Variants in SPAG7 observed in about 807,000 individuals in gnomAD.
The protein encoded by SPAG7 is sperm-associated antigen 7.
A neutral mutation model predicts 30.6 loss-of-function variants in SPAG7; 20 were observed. That is an observed-to-expected ratio of 0.65 (90% confidence interval 0.46 to 0.95). SPAG7 has a LOEUF of 0.95. Among genes scored for constraint, SPAG7 ranks in the 40% least tolerant of loss-of-function variants. The pLI is 0.00. For missense variants in SPAG7, 276 were observed against 291.1 expected (o/e 0.95, Z 0.38); for synonymous variants, 127 against 104.2 (o/e 1.22, Z -1.33).
intron 1 of SPAG7, chr17:4,966,649 G>A (rs1971958149): frequency 2.0e-6 from 2 of 985,202 alleles, no homozygotes; most frequent in African/African-American, 1.7e-5. Context: ...AACCTCAGGT[G>A]GCCGCTCTCA....
rs113842675 is a variant in SPAG7 at position 4,966,730 on chromosome 17, C to A, written c.85+990G>T. ...TACGTGTGATCACTGCATCAATGAG[C>A]GCCCCAGCCCCGGACTGTGGCCTCC... On this transcript the variant is annotated intron_variant, in intron 1 of 6. Coordinates refer to ENST00000206020, the MANE Select transcript of SPAG7 (RefSeq NM_004890.3). 8.0e-4 allele frequency: 787 copies of A among 985,402 alleles called. 8 individuals are homozygous for A. In the African/African-American group the frequency reaches 0.012, roughly 15 times the overall value. The allele number at this position is 985,402 out of a possible 1,614,324, so 61.0% of individuals were successfully genotyped here.
Position 4,960,567 on chromosome 17 carries a change from A to G in SPAG7, c.154-20T>C, listed in dbSNP as rs1320082564. On this transcript the variant is annotated intron_variant, in intron 2 of 6. Transcript: ENST00000206020. Reference sequence around the variant, plus strand: ...CTCCATCTTGGGAGAGGGGAAAGGAAGCAGATATGAGACAATGGCTCCACC... The same window carrying G: ...CTCCATCTTGGGAGAGGGGAAAGGAGGCAGATATGAGACAATGGCTCCACC... 6.3e-7 allele frequency: 1 copy of G among 1,585,674 alleles called. No homozygotes were observed. The highest frequency in any genetic ancestry group is 1.1e-5 in the South Asian group (1 of 89,504).
intron 5 of SPAG7, 22 bp from the exon 6 acceptor site, chr17:4,959,938 C>G (rs764316395): frequency 6.2e-7 from 1 of 1,612,886 alleles, no homozygotes; most frequent in African/African-American, 1.3e-5. Context: ...AGTGGGGGCA[C>G]TGGTGCTCAG....
chr17:4,962,411 G>A (rs898055220), intron 1 of SPAG7, among the ~76,000 whole-genome samples: 12 of 151,926 alleles, frequency 7.9e-5, no homozygotes, highest in Non-Finnish European at 1.5e-4. Flanking sequence ...CACTGCACCC[G>A]GCCTATTTAT....
chr17:4,963,709 G>A (rs546758714), intron 1 of SPAG7, among the ~76,000 whole-genome samples: 16 of 152,026 alleles, frequency 1.1e-4, no homozygotes, highest in East Asian at 3.9e-4. Context: ...CACCTGCCTC[G>A]GCCTCCCAAA....
At chr17:4,962,795 G>A (rs1014586970) in intron 1 of SPAG7, among the ~76,000 whole-genome samples, 5 of 152,018 alleles carry the variant, frequency 3.3e-5, no homozygotes, top group Admixed American at 1.3e-4. Flanking sequence ...TGATCCGCCC[G>A]CCTCAGCCTC....
At position 4,959,508 on chromosome 17, in the gene SPAG7, G is replaced by A. The variant is rs766269560; in HGVS notation, c.*26C>T. The A allele has an allele frequency of 6.3e-7, 1 of 1,588,246 alleles. No homozygotes were observed. Among genetic ancestry groups the A allele is most frequent in the East Asian group, 2.2e-5 (1 of 44,774 alleles). ...CTCCCTGCCCCCTGCCCTGCCCCAGGGGTCAAAGGGAGCTGGGCGGGGCGC... is the reference window on the plus strand; with the variant it reads ...CTCCCTGCCCCCTGCCCTGCCCCAGAGGTCAAAGGGAGCTGGGCGGGGCGC... On this transcript the variant is annotated 3_prime_UTR_variant, in exon 7 of 7. Coordinates refer to ENST00000206020, the MANE Select transcript of SPAG7 (RefSeq NM_004890.3).
intron 1 of SPAG7, chr17:4,967,183 G>C: frequency 1.3e-5 from 13 of 987,092 alleles, no homozygotes; most frequent in Non-Finnish European, 1.4e-5. Context: ...GTTGTCGGAG[G>C]GAGGCAGAAG....
chr17:4,960,183 G>C, intron 4 of SPAG7, 51 bp downstream of exon 4: 6 of 1,600,272 alleles, frequency 3.7e-6, no homozygotes, highest in Non-Finnish European at 5.1e-6. Flanking sequence ...CGGGGAGGGG[G>C]GATAAGGCTA....
chr17:4,966,488 G>A (rs1333456383), intron 1 of SPAG7: 3 of 714,198 alleles, frequency 4.2e-6, no homozygotes, highest in Non-Finnish European at 5.2e-6. Context: ...GACAGTCATC[G>A]GAGCATTAGA....
intron 1 of SPAG7, among the ~76,000 whole-genome samples, chr17:4,961,744 G>A (rs1220240814): frequency 8.0e-5 from 10 of 125,560 alleles, no homozygotes; most frequent in South Asian, 2.5e-4. Flanking sequence ...CAGCCTGGGC[G>A]ACACAGCAAG....
intron 1 of SPAG7, chr17:4,965,852 CTATTTATT>C (rs538789750): frequency 8.3e-6 from 1 of 120,348 alleles, no homozygotes; most frequent in East Asian, 2.2e-4. Context: ...ATTTATTTAT[CTATTTATT>C]TATTTATTTA....
At chr17:4,967,270 T>G (rs1597716462) in intron 1 of SPAG7, 2 of 994,926 alleles carry the variant, frequency 2.0e-6, no homozygotes, top group South Asian at 4.2e-5. Flanking sequence ...CAGGCTGGGG[T>G]GGTTTCGAAG....
At chr17:4,960,181 G>A (rs1420136182) in intron 4 of SPAG7, 53 bp downstream of exon 4, 2 of 1,600,650 alleles carry the variant, frequency 1.2e-6, no homozygotes, top group Non-Finnish European at 1.7e-6. Context: ...GTCGGGGAGG[G>A]GGGATAAGGC....
intron 1 of SPAG7, 98 bp from the exon 2 acceptor site, chr17:4,960,951 T>C (rs1971852162): frequency 1.9e-6 from 2 of 1,039,292 alleles, no homozygotes; most frequent in Non-Finnish European, 3.0e-6. Context: ...CTGGGAGGTG[T>C]CAGGCTGGGA....
intron 2 of SPAG7, 31 bp from the exon 3 acceptor site, chr17:4,960,578 G>C: frequency 1.3e-6 from 2 of 1,564,018 alleles, no homozygotes; most frequent in South Asian, 1.1e-5. Flanking sequence ...GCAGATATGA[G>C]ACAATGGCTC....
chr17:4,960,027 G>A lies in SPAG7; in HGVS notation c.412C>T (p.Leu138=). The change falls in exon 5 of 7, where the codon CTG becomes TTG. Residue 138 remains leucine (L), a synonymous_variant. Coordinates refer to ENST00000206020, the MANE Select transcript of SPAG7 (RefSeq NM_004890.3). ...DPQKAEEKRK[L]KELAQRQEEE... is the part of the protein sequence containing the mutation. ...GGCTGCAAAGCATAGCTCACCTTCA[G>A]CTTCCGCTTCTCCTCAGCCTTCTGG... is the stretch of plus-strand genomic sequence containing the variant. 6.2e-7 allele frequency: 1 copy of A among 1,614,080 alleles called. No homozygotes were observed.
Position 4,959,934 on chromosome 17 carries a change from G to A in SPAG7, c.418-18C>T, listed in dbSNP as rs759044842. Reference sequence around the variant, plus strand: ...GCCAGCTCCTAGGGGTGAAAGTGGGGGCACTGGTGCTCAGGGCCCCAGCCC... The same window carrying A: ...GCCAGCTCCTAGGGGTGAAAGTGGGAGCACTGGTGCTCAGGGCCCCAGCCC... On this transcript the variant is annotated intron_variant, in intron 5 of 6. Coordinates refer to ENST00000206020, the MANE Select transcript of SPAG7 (RefSeq NM_004890.3). 4.3e-6 allele frequency: 7 copies of A among 1,612,832 alleles called. No homozygotes were observed. Among genetic ancestry groups the A allele is most frequent in the South Asian group, 2.2e-5 (2 of 91,080 alleles).
chr17:4,959,984 G>A (rs756103537), intron 5 of SPAG7, 38 bp downstream of exon 5: 15 of 1,613,588 alleles, frequency 9.3e-6, no homozygotes, highest in Admixed American at 1.7e-5. Context: ...CCCAGGTGGT[G>A]GGCTTCTGGA....
Sources: allele counts gnomAD v4.1 joint callset (sites outside exome capture counted in the v4.1 genomes callset), GRCh38; gene constraint gnomAD v4.1.1; transcripts MANE v1.5; gene names NCBI Gene and HGNC (gene_info 2026-07-23, HGNC 2026-07-21).